Variants in PTH2R observed in about 807,000 individuals in gnomAD.
The protein encoded by PTH2R is parathyroid hormone 2 receptor, also known as PTH2 receptor.
Under a neutral mutation model 60.3 loss-of-function variants are expected in PTH2R, and 59 were observed. That is an observed-to-expected ratio of 0.98 (90% CI 0.79 to 1.22). The LOEUF (loss-of-function observed/expected upper bound fraction) is 1.22, where lower values mean the gene tolerates loss of function less well. PTH2R is among the 50% of genes most tolerant of loss of function. The pLI, the probability that PTH2R is intolerant of heterozygous loss-of-function variation, is 0.00. For synonymous variants in PTH2R, 256 were observed against 243.8 expected (o/e 1.05, Z -0.47); for missense variants, 749 against 682.6 (o/e 1.10, Z -1.08).
At chr2:208,437,145 T>C (rs1371763860) in intron 2 of PTH2R, among the ~76,000 whole-genome samples, 1 of 152,238 alleles carries the variant, frequency 6.6e-6, no homozygotes, top group African/African-American at 2.4e-5. Context: ...TCAGGTGTTA[T>C]GATCTTTAAA....
chr2:208,366,588 A>G (rs187737073), intron 1 of PTH2R, among the ~76,000 whole-genome samples: 2 of 152,210 alleles, frequency 1.3e-5, no homozygotes, highest in African/African-American at 4.8e-5. Flanking sequence ...CCATCCCATA[A>G]TTCTTAGCCC....
intron 8 of PTH2R, among the ~76,000 whole-genome samples, chr2:208,456,378 A>G (rs1702514971): frequency 6.6e-6 from 1 of 152,192 alleles, no homozygotes; most frequent in Admixed American, 6.5e-5. Context: ...CGGTAATCTG[A>G]TTATCTTCTC....
At chr2:208,405,207 ACATT>A, upstream of PTH2R, among the ~76,000 whole-genome samples, 1 of 151,752 alleles carries the variant, frequency 6.6e-6, no homozygotes, top group Non-Finnish European at 1.5e-5. Flanking sequence ...ATACTTTAAA[ACATT>A]AAATTATTTA....
At chr2:208,493,117 A>C (rs536138511) in intron 12 of PTH2R, 147 bp from the exon 13 acceptor site, 796 of 850,996 alleles carry the variant, frequency 9.4e-4, no homozygotes, top group Non-Finnish European at 1.3e-3. Context: ...TGAGGTTGAG[A>C]GAAAGTCATA....
chr2:208,405,515 T>A (rs1450163158), upstream of PTH2R, among the ~76,000 whole-genome samples: 1 of 152,208 alleles, frequency 6.6e-6, no homozygotes, highest in Non-Finnish European at 1.5e-5. Context: ...AAATAGGGAA[T>A]ACTCAAACTT....
chr2:208,427,936 A>T (rs1352771539), intron 1 of PTH2R, among the ~76,000 whole-genome samples: 1 of 151,294 alleles, frequency 6.6e-6, no homozygotes, highest in Admixed American at 6.6e-5. Flanking sequence ...GTAGTCTATT[A>T]TCTCTAATAT....
intron 8 of PTH2R, among the ~76,000 whole-genome samples, chr2:208,452,947 TA>T (rs1321264274): frequency 6.6e-6 from 1 of 152,164 alleles, no homozygotes; most frequent in Non-Finnish European, 1.5e-5. Context: ...TCTATTGAGA[TA>T]AGTGGAATTT....
intron 1 of PTH2R, among the ~76,000 whole-genome samples, chr2:208,423,758 T>G (rs1171153060): frequency 6.6e-6 from 1 of 151,476 alleles, no homozygotes; most frequent in African/African-American, 2.4e-5. Flanking sequence ...GCTTCACATA[T>G]TTTGCAGCTC....
At chr2:208,491,262 C>T (rs1287681750) in intron 12 of PTH2R, among the ~76,000 whole-genome samples, 1 of 152,200 alleles carries the variant, frequency 6.6e-6, no homozygotes, top group African/African-American at 2.4e-5. Context: ...GGTACACCAG[C>T]TGATGCTTCT....
At chr2:208,402,433 T>A (rs1559209276), upstream of PTH2R, among the ~76,000 whole-genome samples, 1 of 152,232 alleles carries the variant, frequency 6.6e-6, no homozygotes, top group Non-Finnish European at 1.5e-5. Flanking sequence ...TTTACAGTGG[T>A]CTTTCTTGTC....
upstream of PTH2R, among the ~76,000 whole-genome samples, chr2:208,401,975 A>G (rs569263371): frequency 6.6e-6 from 1 of 152,238 alleles, no homozygotes; most frequent in Admixed American, 6.5e-5. Context: ...ACTTTTTCCT[A>G]CAAAAACATT....
At chr2:208,471,446 G>T (rs1176483032) in intron 9 of PTH2R, among the ~76,000 whole-genome samples, 1 of 152,234 alleles carries the variant, frequency 6.6e-6, no homozygotes, top group East Asian at 1.9e-4. Context: ...AGCCATGGCT[G>T]AAAGGGGCCA....
chr2:208,442,276 A>G, intron 4 of PTH2R, 88 bp from the exon 5 acceptor site: 4 of 985,750 alleles, frequency 4.1e-6, no homozygotes, highest in Non-Finnish European at 6.4e-6. Context: ...AGAATTAGAA[A>G]TAAGATTCCA....
chr2:208,361,773 T>TAA (rs1553539452), intron 1 of PTH2R, among the ~76,000 whole-genome samples: 2 of 151,150 alleles, frequency 1.3e-5, no homozygotes, highest in African/African-American at 4.9e-5. Context: ...TTTTTTTTTT[T>TAA]AAAAAAAAGG....
intron 1 of PTH2R, among the ~76,000 whole-genome samples, chr2:208,365,312 AC>A (rs1014473809): frequency 2.0e-4 from 30 of 152,082 alleles, no homozygotes; most frequent in African/African-American, 6.0e-4. Context: ...TTCCTAAACA[AC>A]CTTTATTATG....
At chr2:208,414,959 A>C (rs895920440) in intron 1 of PTH2R, among the ~76,000 whole-genome samples, 8 of 152,180 alleles carry the variant, frequency 5.3e-5, no homozygotes, top group African/African-American at 1.9e-4. Context: ...CAAAACTATT[A>C]AGATAAATAA....
chr2:208,489,217 A>G, intron 11 of PTH2R, 67 bp downstream of exon 11: 1 of 1,592,930 alleles, frequency 6.3e-7, no homozygotes, highest in Non-Finnish European at 8.6e-7. Flanking sequence ...GGTCACTTAC[A>G]ACCTTTTTCT....
Position 208,394,306 on chromosome 2 carries a change from A to G in PTH2R, c.-258-33895A>G, listed in dbSNP as rs144193590. Among the ~76,000 whole-genome samples the G allele has an allele frequency of 4.9e-3, 741 of 152,380 alleles. 7 individuals are homozygous for G. Among genetic ancestry groups the G allele is most frequent in the African/African-American group, 0.017 (714 of 41,598 alleles). On this transcript the variant is annotated intron_variant, in intron 1 of 12. Transcript: ENST00000617735. ...CGAAGGAGTCCCAGTGCTTTAAAAT[A>G]TACCCCAGGGGGGTGCATGTTGAAG... is the stretch of plus-strand genomic sequence containing the variant.
chr2:208,401,310 A>T (rs1294899321), intron 1 of PTH2R, among the ~76,000 whole-genome samples: 1 of 152,152 alleles, frequency 6.6e-6, no homozygotes, highest in East Asian at 1.9e-4. Context: ...TGTATGTTCC[A>T]ATGTTACCTG....
Sources: allele counts gnomAD v4.1 joint callset (sites outside exome capture counted in the v4.1 genomes callset), GRCh38; gene constraint gnomAD v4.1.1; transcripts MANE v1.5; gene names NCBI Gene and HGNC (gene_info 2026-07-23, HGNC 2026-07-21).